EFR3B: variants seen among roughly 807,000 people sequenced by gnomAD.
EFR3B encodes protein EFR3 homolog B.
EFR3B carries 64 observed loss-of-function variants against 104.7 expected under a neutral mutation model. The observed-to-expected ratio is 0.61, with a 90% confidence interval of 0.50 to 0.75. EFR3B has a LOEUF of 0.75. Among genes scored for constraint, EFR3B ranks in the 30% least tolerant of loss-of-function variants. The pLI is 0.00. For missense variants in EFR3B, 750 were observed against 1,078.5 expected, an observed-to-expected ratio of 0.70 and a Z score of 4.27; for synonymous variants, 385 against 417.9, an observed-to-expected ratio of 0.92 and a Z score of 0.96.
At chr2:25,094,592 C>A (rs950620287) in intron 3 of EFR3B, among the ~76,000 whole-genome samples, 4 of 152,080 alleles carry the variant, frequency 2.6e-5, no homozygotes, top group Non-Finnish European at 5.9e-5. Flanking sequence ...AATATAATTT[C>A]CAGTATTAAC....
At chr2:25,099,378 T>A (rs2149188921) in intron 3 of EFR3B, among the ~76,000 whole-genome samples, 1 of 152,054 alleles carries the variant, frequency 6.6e-6, no homozygotes, top group South Asian at 2.1e-4. Flanking sequence ...CCAGAGGAGC[T>A]CAAAGAGCCA....
In EFR3B at chr2:25,131,718, G is replaced by A. The variant is rs953574884; in HGVS notation, c.986-32G>A. 7.4e-6 allele frequency: 11 copies of A among 1,485,204 alleles called. No homozygotes were observed. The highest frequency in any genetic ancestry group is 2.3e-5 in the Admixed American group (1 of 43,258). 92.0% of individuals were successfully genotyped at this position (1,485,204 alleles called of 1,614,324 possible). ...CACAGAGGAGGAGGGTGCCAGCCTT[G>A]GATCTCGGGTGTCCCGCCCCACCGC... On this transcript the variant is annotated intron_variant, in intron 9 of 22. Coordinates refer to ENST00000403714, the MANE Select transcript of EFR3B (RefSeq NM_014971.2). The surrounding 1 kb of genome is among the most constrained non-coding windows in gnomAD (Gnocchi z 7.6).
intron 19 of EFR3B, among the ~76,000 whole-genome samples, chr2:25,149,407 G>A (rs557483444): frequency 1.5e-3 from 227 of 152,326 alleles, no homozygotes; most frequent in Non-Finnish European, 4.6e-4. Flanking sequence ...TTGATGGACA[G>A]GCTTGGGGAG....
At chr2:25,067,426 G>GTTTTTTTTTTTTT (rs111972158) in intron 1 of EFR3B, among the ~76,000 whole-genome samples, 2 of 142,790 alleles carry the variant, frequency 1.4e-5, no homozygotes, top group African/African-American at 2.6e-5. Flanking sequence ...TTTAGTTTTT[G>GTTTTTTTTTTTTT]TTTTTTTTTT....
chr2:25,123,466 T>G (rs760985987), intron 5 of EFR3B, among the ~76,000 whole-genome samples: 3 of 152,188 alleles, frequency 2.0e-5, no homozygotes, highest in Non-Finnish European at 2.9e-5. Flanking sequence ...TGGCATTGTC[T>G]GGGTTCCCCC....
chr2:25,117,605 G>T (rs2149198696), intron 4 of EFR3B, among the ~76,000 whole-genome samples: 1 of 152,174 alleles, frequency 6.6e-6, no homozygotes, highest in Non-Finnish European at 1.5e-5. Context: ...TGGAGATGGG[G>T]TTTCTCCGTG....
At chr2:25,134,177 A>ATATAT (rs1246907184) in intron 12 of EFR3B, among the ~76,000 whole-genome samples, 7 of 138,594 alleles carry the variant, frequency 5.1e-5, no homozygotes, top group African/African-American at 1.8e-4. Context: ...CTCAGTTTAT[A>ATATAT]TTTTTTTTTT....
At chr2:25,092,966 T>C (rs1168587798) in intron 2 of EFR3B, 37 bp from the exon 3 acceptor site, 21 of 1,538,224 alleles carry the variant, frequency 1.4e-5, no homozygotes, top group Non-Finnish European at 1.8e-5. Flanking sequence ...CTAGCCATAG[T>C]GTGGCCATAG....
intron 18 of EFR3B, 79 bp downstream of exon 18, chr2:25,143,941 A>G (rs1458988486): frequency 2.6e-5 from 38 of 1,479,014 alleles, no homozygotes; most frequent in Non-Finnish European, 3.4e-5. Context: ...TAAGGGACTT[A>G]TAGCCCTTTG....
chr2:25,062,817 G>C (rs962461336), intron 1 of EFR3B, among the ~76,000 whole-genome samples: 10 of 152,222 alleles, frequency 6.6e-5, no homozygotes, highest in Non-Finnish European at 1.3e-4. Flanking sequence ...TGACTCTCAG[G>C]GGACCTTCAA....
rs1457949801 is a variant in EFR3B at position 25,156,357 on chromosome 2, GTGTGACCTCAACTCAC to G, written c.*2024_*2039del. On this transcript the variant is annotated 3_prime_UTR_variant, in exon 23 of 23. Transcript: ENST00000403714. The stretch of plus-strand genomic sequence containing the variant: ...CTGTCACCCAGGCTGGAGTACAATG[GTGTGACCTCAACTCAC>G]TGTGACTTCCGCCTCCTGGGTTCAA... 45 of 141,388 alleles carry G rather than the reference GTGTGACCTCAACTCAC, an allele frequency of 3.2e-4. No homozygotes were observed. Among genetic ancestry groups the G allele is most frequent in the African/African-American group, 1.2e-3 (45 of 36,432 alleles). 8.8% of individuals were successfully genotyped at this position (141,388 alleles called of 1,614,324 possible). A position where few individuals can be genotyped will look rare whatever the true frequency, so the allele number is the denominator to read the frequency against.
chr2:25,042,311 A>G lies in EFR3B; in HGVS notation c.-2A>G. On this transcript the variant is annotated 5_prime_UTR_variant, in exon 1 of 23. Transcript: ENST00000403714. This position sits in a 1 kb window ranked among gnomAD's most constrained non-coding sequence, Gnocchi z 5.4. ...CTCTCGAGAGGCGCGCGCCCCGCCG[A>G]GATGTACGGTAAGGAGGGCTCCGCG... 1.6e-6 allele frequency: 2 copies of G among 1,286,990 alleles called. No homozygotes were observed. The highest frequency in any genetic ancestry group is 6.3e-5 in the East Asian group (2 of 31,544). The allele number at this position is 1,286,990 out of a possible 1,614,324, so 79.7% of individuals were successfully genotyped here. A position where few individuals can be genotyped will look rare whatever the true frequency, so the allele number is the denominator to read the frequency against.
chr2:25,106,519 A>G (rs1439405865), intron 4 of EFR3B, among the ~76,000 whole-genome samples: 1 of 146,404 alleles, frequency 6.8e-6, no homozygotes, highest in African/African-American at 2.6e-5. Flanking sequence ...ATGCAGTGGC[A>G]CAATCTTGGC....
intron 4 of EFR3B, among the ~76,000 whole-genome samples, chr2:25,119,758 TTTA>T (rs1315694736): frequency 6.6e-6 from 1 of 152,238 alleles, no homozygotes; most frequent in Non-Finnish European, 1.5e-5. Flanking sequence ...AGCTGTTGTA[TTTA>T]TTATTGTAAG....
At chr2:25,073,382 G>A (rs1419459587) in intron 1 of EFR3B, among the ~76,000 whole-genome samples, 1 of 144,488 alleles carries the variant, frequency 6.9e-6, no homozygotes, top group African/African-American at 2.5e-5. Flanking sequence ...TTTTTAGACA[G>A]AGTGTTGCTC....
chr2:25,139,456 C>T (rs1670603758), intron 16 of EFR3B, among the ~76,000 whole-genome samples: 1 of 152,122 alleles, frequency 6.6e-6, no homozygotes, highest in Non-Finnish European at 1.5e-5. Flanking sequence ...TCCTGCCCCT[C>T]TGTCTTTCCC....
intron 19 of EFR3B, chr2:25,145,256 T>C (rs1670783907): frequency 1.7e-6 from 1 of 591,030 alleles, no homozygotes; most frequent in Non-Finnish European, 3.0e-6. Context: ...CCTGCTCCCA[T>C]GAGGATATCA....
intron 1 of EFR3B, among the ~76,000 whole-genome samples, chr2:25,070,637 T>C (rs7599276): frequency 0.018 from 2,807 of 152,204 alleles, 79 homozygotes; most frequent in African/African-American, 0.064. Context: ...AGGAAAGCAG[T>C]GAACAGCAGG....
At chr2:25,153,835 C>G (rs1573243509) in intron 22 of EFR3B, 74 bp downstream of exon 22, 6 of 1,426,404 alleles carry the variant, frequency 4.2e-6, no homozygotes, top group Admixed American at 2.0e-5. Flanking sequence ...TGAGTCCTCT[C>G]ACCCCTGTCT....
Sources: gnomAD v4.1 joint callset for allele counts (sites outside exome capture counted in the v4.1 genomes callset) on GRCh38, gnomAD v4.1.1 for gene constraint, Gnocchi (gnomAD v3.1) non-coding constraint, MANE v1.5 for transcripts, NCBI Gene and HGNC (gene_info 2026-07-23, HGNC 2026-07-21) for gene names.